The following SGCZ variants were observed in gnomAD, a reference collection of about 807,000 sequenced individuals.
SGCZ encodes sarcoglycan zeta.
In SGCZ, 40 loss-of-function variants were observed where a neutral mutation model predicts 41.3. That is an observed-to-expected ratio of 0.97 (90% CI 0.75 to 1.26). The LOEUF is 1.26. Among genes scored for constraint, SGCZ ranks in the 50% most tolerant of loss-of-function variants. The pLI, the probability that SGCZ is intolerant of heterozygous loss-of-function variation, is 0.00. For missense variants in SGCZ, 552 were observed against 369.8 expected, an observed-to-expected ratio of 1.49 and a Z score of -4.04; for synonymous variants, 206 against 137.5, an observed-to-expected ratio of 1.50 and a Z score of -3.49.
At chr8:14,253,492 G>A (rs1799356970) in intron 3 of SGCZ, among the ~76,000 whole-genome samples, 1 of 151,996 alleles carries the variant, frequency 6.6e-6, no homozygotes, top group African/African-American at 2.4e-5. Context: ...ATGCCTCAAA[G>A]CTGACCCATT....
At chr8:14,459,445 A>C (rs141688532) in intron 2 of SGCZ, among the ~76,000 whole-genome samples, 1 of 152,300 alleles carries the variant, frequency 6.6e-6, no homozygotes, top group Admixed American at 6.5e-5. Flanking sequence ...ATAAAAAAAG[A>C]AGAAAAAGTG....
intron 1 of SGCZ, among the ~76,000 whole-genome samples, chr8:14,740,449 T>A (rs977368177): frequency 7.2e-5 from 11 of 152,034 alleles, no homozygotes; most frequent in African/African-American, 2.4e-4. Flanking sequence ...ACCAAAGGAA[T>A]AAGATAATGC....
intron 1 of SGCZ, among the ~76,000 whole-genome samples, chr8:14,644,449 C>A (rs764579342): frequency 2.6e-5 from 4 of 151,852 alleles, no homozygotes; most frequent in Non-Finnish European, 5.9e-5. Flanking sequence ...AGTTACCAAG[C>A]CTGCCTCATA....
chr8:14,584,834 C>T (rs984769565), intron 1 of SGCZ, among the ~76,000 whole-genome samples: 8 of 151,970 alleles, frequency 5.3e-5, no homozygotes, highest in Non-Finnish European at 1.0e-4. Flanking sequence ...TGTATGATCA[C>T]AATGACAGAG....
chr8:14,815,138 T>C (rs978535065), intron 1 of SGCZ, among the ~76,000 whole-genome samples: 1 of 152,332 alleles, frequency 6.6e-6, no homozygotes, highest in Middle Eastern at 3.4e-3. Context: ...TGGTTATACT[T>C]CAATTAGTAA....
chr8:14,906,986 A>G (rs1799136208), intron 1 of SGCZ, among the ~76,000 whole-genome samples: 2 of 152,216 alleles, frequency 1.3e-5, no homozygotes, highest in Admixed American at 6.5e-5. Flanking sequence ...TAACAATTCA[A>G]TAACCTTAAA....
chr8:14,181,022 A>G (rs1184117366), intron 4 of SGCZ, among the ~76,000 whole-genome samples: 2 of 152,164 alleles, frequency 1.3e-5, no homozygotes, highest in Non-Finnish European at 2.9e-5. Flanking sequence ...ACCGTTTGCA[A>G]GGCCTGAATT....
At chr8:14,961,886 T>A (rs1800978585) in intron 1 of SGCZ, among the ~76,000 whole-genome samples, 2 of 152,324 alleles carry the variant, frequency 1.3e-5, no homozygotes, top group African/African-American at 4.8e-5. Context: ...CTACTCCCTA[T>A]TCATAGCAAC....
chr8:14,121,822 G>A (rs1208977609), intron 5 of SGCZ, among the ~76,000 whole-genome samples: 1 of 152,098 alleles, frequency 6.6e-6, no homozygotes, highest in Admixed American at 6.5e-5. Flanking sequence ...TTAATTTTCT[G>A]TTCTGTAAAA....
rs983970798 is a variant in SGCZ at position 14,089,844 on chromosome 8, TAAAG to T, written c.*595_*598del. On this transcript the variant is annotated 3_prime_UTR_variant, in exon 8 of 8. Coordinates refer to ENST00000382080, the MANE Select transcript of SGCZ (RefSeq NM_139167.4). The stretch of plus-strand genomic sequence containing the variant: ...ACAAAGAGTAACAGCACATTGAAAT[TAAAG>T]AAACAGAAGGAAAACTCAGGGAGAG... The T allele has an allele frequency of 7.9e-5, 12 of 152,378 alleles. No homozygotes were observed. Among genetic ancestry groups the T allele is most frequent in the African/African-American group, 2.9e-4 (12 of 41,424 alleles). 9.4% of individuals were successfully genotyped at this position (152,378 alleles called of 1,614,324 possible). A position where few individuals can be genotyped will look rare whatever the true frequency, so the allele number is the denominator to read the frequency against.
At chr8:14,748,511 C>T (rs947640857) in intron 1 of SGCZ, among the ~76,000 whole-genome samples, 1 of 152,100 alleles carries the variant, frequency 6.6e-6, no homozygotes, top group African/African-American at 2.4e-5. Context: ...CATAAGGACT[C>T]CCTTACAAAA....
At chr8:14,685,848 T>C (rs1184818384) in intron 1 of SGCZ, among the ~76,000 whole-genome samples, 4 of 152,096 alleles carry the variant, frequency 2.6e-5, no homozygotes, top group South Asian at 2.1e-4. Context: ...CATTAAACAA[T>C]GAATAAACCT....
intron 1 of SGCZ, among the ~76,000 whole-genome samples, chr8:14,736,705 A>G (rs1033377749): frequency 7.2e-5 from 11 of 152,038 alleles, no homozygotes; most frequent in Non-Finnish European, 1.2e-4. Flanking sequence ...TAGCTCCCAC[A>G]TATCAGTGAG....
intron 1 of SGCZ, among the ~76,000 whole-genome samples, chr8:15,108,815 T>A (rs1029148210): frequency 6.6e-6 from 1 of 152,154 alleles, no homozygotes; most frequent in Non-Finnish European, 1.5e-5. Flanking sequence ...GCTCGCTAAA[T>A]AAATACTTAA....
intron 1 of SGCZ, among the ~76,000 whole-genome samples, chr8:14,806,598 C>G (rs1410496379): frequency 2.6e-5 from 4 of 152,046 alleles, no homozygotes; most frequent in Non-Finnish European, 5.9e-5. Flanking sequence ...AATAGCTTAC[C>G]AACCAAAAAG....
intron 1 of SGCZ, among the ~76,000 whole-genome samples, chr8:15,058,820 C>T (rs1469399865): frequency 6.6e-6 from 1 of 152,084 alleles, no homozygotes; most frequent in Non-Finnish European, 1.5e-5. Flanking sequence ...ATTTTTACAA[C>T]TGCAATTGGA....
chr8:14,871,537 G>A (rs1457571246), intron 1 of SGCZ, among the ~76,000 whole-genome samples: 2 of 151,984 alleles, frequency 1.3e-5, no homozygotes, highest in African/African-American at 2.4e-5. Context: ...TGGGTGCAGT[G>A]GCTCACACCT....
intron 1 of SGCZ, among the ~76,000 whole-genome samples, chr8:14,913,494 T>A (rs995161340): frequency 6.6e-6 from 1 of 152,076 alleles, no homozygotes; most frequent in Admixed American, 6.6e-5. Context: ...GCATAATATC[T>A]TTGTTCATAA....
chr8:15,042,071 A>G (rs1268918865), intron 1 of SGCZ, among the ~76,000 whole-genome samples: 1 of 152,150 alleles, frequency 6.6e-6, no homozygotes, highest in Non-Finnish European at 1.5e-5. Context: ...GGAAATGCTC[A>G]TTTTGTGAGA....
Sources: allele counts gnomAD v4.1 joint callset (sites outside exome capture counted in the v4.1 genomes callset), GRCh38; gene constraint gnomAD v4.1.1; transcripts MANE v1.5; gene names NCBI Gene and HGNC (gene_info 2026-07-23, HGNC 2026-07-21).